BTRC: variants seen among roughly 807,000 people sequenced by gnomAD.
BTRC encodes the protein F-box/WD repeat-containing protein 1A.
A neutral mutation model predicts 85.5 loss-of-function variants in BTRC; 42 were observed. The observed-to-expected ratio is 0.49, with a 90% CI of 0.38 to 0.64. The LOEUF is 0.64. Among genes scored for constraint, BTRC ranks in the 30% least tolerant of loss-of-function variants. The pLI is 0.00. For missense variants in BTRC, 594 were observed against 743.5 expected, an observed-to-expected ratio of 0.80 and a Z score of 2.34; for synonymous variants, 255 against 263.3, an observed-to-expected ratio of 0.97 and a Z score of 0.30.
At chr10:101,455,178 G>A (rs1330427487) in intron 2 of BTRC, among the ~76,000 whole-genome samples, 1 of 150,890 alleles carries the variant, frequency 6.6e-6, no homozygotes, top group Non-Finnish European at 1.5e-5. Context: ...AGCCTCCTGA[G>A]TAGCTAGGAC....
chr10:101,405,908 G>A (rs1943607666), intron 1 of BTRC, among the ~76,000 whole-genome samples: 1 of 152,136 alleles, frequency 6.6e-6, no homozygotes, highest in Admixed American at 6.5e-5. Context: ...GAATGTGTGT[G>A]TATACTGCAG....
intron 14 of BTRC, among the ~76,000 whole-genome samples, chr10:101,552,163 TATTTTATTTTATTTC>T (rs1401195654): frequency 6.6e-6 from 1 of 151,658 alleles, no homozygotes; most frequent in Non-Finnish European, 1.5e-5. Context: ...ATTTTTATTT[TATTTTATTTTATTTC>T]ATTTTATTTT....
At chr10:101,362,429 C>G (rs541523556) in intron 1 of BTRC, among the ~76,000 whole-genome samples, 1 of 150,842 alleles carries the variant, frequency 6.6e-6, no homozygotes, top group East Asian at 1.9e-4. Context: ...GAGTTTCGCT[C>G]TTGTTGCCCA....
intron 2 of BTRC, among the ~76,000 whole-genome samples, chr10:101,432,324 C>T (rs901692228): frequency 1.3e-4 from 19 of 151,882 alleles, no homozygotes; most frequent in Admixed American, 1.2e-3. Flanking sequence ...GATAGGGTTT[C>T]ACCATGTTGT....
intron 3 of BTRC, among the ~76,000 whole-genome samples, chr10:101,476,715 A>G (rs1203083051): frequency 2.6e-5 from 4 of 151,622 alleles, no homozygotes; most frequent in Non-Finnish European, 5.9e-5. Flanking sequence ...AAGTGCTGGG[A>G]TTATAGGCAT....
rs148243196 is a variant in BTRC at position 101,428,904 on chromosome 10, G to A, written c.49-1441G>A. Reference sequence around the variant, plus strand: ...TGGATTTGAACTCCTGGGCTCAAGCGATCCACCCATCTCAGTCTTCTGAGT... The same window carrying A: ...TGGATTTGAACTCCTGGGCTCAAGCAATCCACCCATCTCAGTCTTCTGAGT... On this transcript the variant is annotated intron_variant, in intron 1 of 14. Transcript: ENST00000370187. Among the ~76,000 whole-genome samples the A allele has an allele frequency of 2.3e-3, 347 of 152,246 alleles. 1 individual carries two copies. The highest frequency in any genetic ancestry group is 0.012 in the South Asian group (56 of 4,820).
chr10:101,398,377 G>A (rs899679194), intron 1 of BTRC, among the ~76,000 whole-genome samples: 7 of 151,472 alleles, frequency 4.6e-5, no homozygotes, highest in Non-Finnish European at 8.8e-5. Flanking sequence ...ATCTCAGCTC[G>A]CTGCAAGCTC....
intron 13 of BTRC, among the ~76,000 whole-genome samples, chr10:101,538,677 A>G (rs1009380109): frequency 5.3e-5 from 8 of 152,182 alleles, no homozygotes; most frequent in African/African-American, 1.4e-4. Context: ...AGCAGGGGGT[A>G]CTAAGGGAGA....
Position 101,430,779 on chromosome 10 carries a change from G to A in BTRC, c.156+327G>A, listed in dbSNP as rs535559998. Reference sequence around the variant, plus strand: ...AGTTCAATACGTAATATTTGCTCTGGACCTACATAAAGCCAATTAGTATAA... The same window carrying A: ...AGTTCAATACGTAATATTTGCTCTGAACCTACATAAAGCCAATTAGTATAA... On this transcript the variant is annotated intron_variant, in intron 2 of 14. Transcript: ENST00000370187. Among the ~76,000 whole-genome samples, 17 of 152,094 alleles carry A rather than the reference G, an allele frequency of 1.1e-4. No individual in the cohort carries two copies. The South Asian group carries it at 1.9e-3, about 17-fold the overall frequency.
intron 8 of BTRC, among the ~76,000 whole-genome samples, 190 bp downstream of exon 8, chr10:101,532,622 A>G (rs552361109): frequency 5.3e-5 from 8 of 152,296 alleles, no homozygotes; most frequent in Non-Finnish European, 1.0e-4. Context: ...ACAAACGGGT[A>G]GTCCTAGGGT....
In BTRC at chr10:101,496,276, T is replaced by C. The variant is rs1946257887; in HGVS notation, c.324+16819T>C. ...AGCAGAGGAATTGGAATTTCCAAAC[T>C]AGCACCAATTTTTATACAGCAGTGA... On this transcript the variant is annotated intron_variant, in intron 4 of 14. Coordinates refer to ENST00000370187, the MANE Select transcript of BTRC (RefSeq NM_033637.4). 1.3e-5 allele frequency among the ~76,000 whole-genome samples: 2 copies of C among 152,214 alleles called. 1 individual carries two copies. Among genetic ancestry groups the C allele is most frequent in the South Asian group, 4.1e-4 (2 of 4,832 alleles).
rs574828340 is a variant in BTRC, at chr10:101,441,620, C to CTA, written c.156+11171_156+11172dup. Among the ~76,000 whole-genome samples, 246 of 152,252 alleles carry CTA rather than the reference C, an allele frequency of 1.6e-3. 1 individual carries two copies. The highest frequency in any genetic ancestry group is 5.3e-3 in the African/African-American group (220 of 41,558). ...CTTGGCCGGGCGTGGTGGCTCATGC[C>CTA]TATAATCCCAGCACTGTGGGAGGCT... On this transcript the variant is annotated intron_variant, in intron 2 of 14. Coordinates refer to ENST00000370187, the MANE Select transcript of BTRC (RefSeq NM_033637.4).
At chr10:101,509,553 C>CTT (rs747841828) in intron 4 of BTRC, among the ~76,000 whole-genome samples, 24 of 129,368 alleles carry the variant, frequency 1.9e-4, no homozygotes, top group African/African-American at 5.9e-4. Context: ...CGCGCCCAGC[C>CTT]TTTTTTTTTT....
At chr10:101,551,563 CCAGTTCGAAT>C (rs1191482702) in intron 14 of BTRC, among the ~76,000 whole-genome samples, 1 of 152,190 alleles carries the variant, frequency 6.6e-6, no homozygotes, top group African/African-American at 2.4e-5. Flanking sequence ...GCTGTTCTAA[CCAGTTCGAAT>C]ACACTAGGTT....
At chr10:101,531,485 C>T (rs2062280470) in intron 7 of BTRC, 152 bp downstream of exon 7, 2 of 597,544 alleles carry the variant, frequency 3.3e-6, no homozygotes, top group Admixed American at 3.4e-5. Context: ...CACCTGTAAT[C>T]CCAGCATTTT....
intron 5 of BTRC, among the ~76,000 whole-genome samples, chr10:101,522,784 A>G (rs1232631568): frequency 6.6e-6 from 1 of 152,098 alleles, no homozygotes; most frequent in African/African-American, 2.4e-5. Flanking sequence ...ACCCATACAT[A>G]GGTCCAAATA....
intron 12 of BTRC, among the ~76,000 whole-genome samples, chr10:101,537,490 C>T (rs1317784615): frequency 2.0e-5 from 3 of 152,086 alleles, no homozygotes; most frequent in Non-Finnish European, 2.9e-5. Context: ...ATTGCGCCAC[C>T]ACACTCCAGC....
intron 4 of BTRC, among the ~76,000 whole-genome samples, chr10:101,490,663 C>T (rs1395338610): frequency 6.6e-6 from 1 of 152,152 alleles, no homozygotes; most frequent in Non-Finnish European, 1.5e-5. Flanking sequence ...TGACATCTAG[C>T]AAATGTTATT....
At chr10:101,404,028 A>T (rs71496535) in intron 1 of BTRC, among the ~76,000 whole-genome samples, 7,508 of 30,246 alleles carry the variant, frequency 0.25, 937 homozygotes, top group Non-Finnish European at 0.29. Context: ...ATATATATAT[A>T]TATTTTTTTT....
Sources: allele counts gnomAD v4.1 joint callset (sites outside exome capture counted in the v4.1 genomes callset), GRCh38; gene constraint gnomAD v4.1.1; transcripts MANE v1.5; gene names NCBI Gene and HGNC (gene_info 2026-07-23, HGNC 2026-07-21).